The following ZNF705G variants were observed in gnomAD, a reference collection of about 807,000 sequenced individuals.
ZNF705G encodes putative zinc finger protein 705G.
In ZNF705G, 23 loss-of-function variants were observed where a neutral mutation model predicts 19.6. The ratio of observed to expected loss-of-function variants is 1.17; its 90% CI spans 0.84 to 1.66. The LOEUF is 1.66. Ranked by LOEUF, ZNF705G falls within the 40% of genes most tolerant of loss-of-function variation. The probability of loss-of-function intolerance (pLI) is 0.00; values close to 1 mark genes in which losing one functional copy is unlikely to be tolerated. For synonymous variants in ZNF705G, 146 were observed against 117.7 expected (o/e 1.24, Z -1.56); for missense variants, 457 against 354.4 (o/e 1.29, Z -2.32).
chr8:7,367,968 G>A (rs1308766572), intron 2 of ZNF705G, among the ~76,000 whole-genome samples: 3 of 149,696 alleles, frequency 2.0e-5, no homozygotes, highest in Non-Finnish European at 4.4e-5. Context: ...GGAGGATGCA[G>A]TGAACTTATC....
In ZNF705G at chr8:7,361,328, A is replaced by G; in HGVS notation, c.13-92T>C. ...GAGATGACATAGCTAGCAGCTGGGT[A>G]TGCAGAATACTCAGTGTTTTGGGTT... On this transcript the variant is annotated intron_variant, in intron 3 of 6. Coordinates refer to ENST00000400156, the MANE Select transcript of ZNF705G (RefSeq NM_001164457.3). 8 of 1,587,558 alleles carry G rather than the reference A, an allele frequency of 5.0e-6. No individual in the cohort carries two copies. The South Asian group carries it at 6.7e-5, about 13-fold the overall frequency.
At chr8:7,362,855 A>G (rs1381397603) in intron 3 of ZNF705G, 80 bp downstream of exon 3, 21 of 1,582,816 alleles carry the variant, frequency 1.3e-5, no homozygotes, top group Non-Finnish European at 1.7e-5. Flanking sequence ...AAAATGAAAC[A>G]CCCATGCAAA....
intron 3 of ZNF705G, among the ~76,000 whole-genome samples, chr8:7,362,143 C>T (rs542791412): frequency 6.7e-6 from 1 of 149,608 alleles, no homozygotes; most frequent in South Asian, 2.1e-4. Context: ...TTTTTTCTAA[C>T]CAGCCCTTAT....
At position 7,360,274 on chromosome 8, in the gene ZNF705G, C is replaced by A. The variant is rs1423595602; in HGVS notation, c.198G>T (p.Trp66Cys). ...ILQLEQGKEL[W>C]REGRVFLQDQ... ...CTTGAAGAAATACTCTTCCTTCCCT[C>A]CACAGCTCTTTTCCTTGCTCCAGCT... Residue 66 changes from tryptophan (W) to cysteine (C), a missense_variant, in exon 5 of 7, where the codon TGG becomes TGT. Coordinates refer to ENST00000400156, the MANE Select transcript of ZNF705G (RefSeq NM_001164457.3). The A allele has an allele frequency of 2.5e-6, 4 of 1,591,376 alleles. No homozygotes were observed. In the South Asian group the frequency reaches 3.3e-5, roughly 13 times the overall value.
intron 1 of ZNF705G, among the ~76,000 whole-genome samples, chr8:7,382,346 C>T (rs1233031192): frequency 6.8e-6 from 1 of 147,334 alleles, no homozygotes; most frequent in Non-Finnish European, 1.5e-5. Context: ...AGAAAGTCTT[C>T]ACAATAATTT....
At position 7,357,100 on chromosome 8, in the gene ZNF705G, T is replaced by A. The variant is rs574432784; in HGVS notation, c.*876A>T. 1 of 150,204 alleles carries A rather than the reference T, an allele frequency of 6.7e-6. No homozygotes were observed. The highest frequency in any genetic ancestry group is 1.5e-5 in the Non-Finnish European group (1 of 68,040). The allele number at this position is 150,204 out of a possible 1,614,324, so 9.3% of individuals were successfully genotyped here. On this transcript the variant is annotated 3_prime_UTR_variant, in exon 7 of 7. Transcript: ENST00000400156. ...TAGCTCCTCAATGTGAGAAACTCAA[T>A]GTCAACTAAGAAATGAATTACCACT...
At chr8:7,370,257 C>T (rs1277890108) in intron 2 of ZNF705G, among the ~76,000 whole-genome samples, 4 of 135,752 alleles carry the variant, frequency 2.9e-5, no homozygotes, top group Middle Eastern at 3.7e-3. Context: ...TGTGACACAC[C>T]GAGACTCCAT....
chr8:7,360,408 T>G, intron 4 of ZNF705G, 76 bp from the exon 5 acceptor site: 1 of 1,577,706 alleles, frequency 6.3e-7, no homozygotes, highest in African/African-American at 1.5e-5. Flanking sequence ...TAATGCAGGC[T>G]ATCAAGGAAG....
intron 2 of ZNF705G, among the ~76,000 whole-genome samples, chr8:7,365,809 G>A (rs186017963): frequency 6.7e-6 from 1 of 149,654 alleles, no homozygotes; most frequent in Non-Finnish European, 1.5e-5. Flanking sequence ...ACAACTTAGT[G>A]AAGTATTAGG....
chr8:7,365,004 G>C (rs1316562306), intron 2 of ZNF705G, among the ~76,000 whole-genome samples: 1 of 149,626 alleles, frequency 6.7e-6, no homozygotes, highest in Admixed American at 6.6e-5. Context: ...GAGAATATTT[G>C]TGTGTAATTA....
chr8:7,363,816 G>C (rs1806718309), intron 2 of ZNF705G, among the ~76,000 whole-genome samples: 1 of 148,736 alleles, frequency 6.7e-6, no homozygotes, highest in Non-Finnish European at 1.5e-5. Context: ...GCGAGACTCT[G>C]TCTCAAAAAA....
rs1412978351 is a variant in ZNF705G at position 7,356,586 on chromosome 8, G to T, written c.*1390C>A. The stretch of plus-strand genomic sequence containing the variant: ...TAGCAAGTGGGGCTGAAGATCCCTG[G>T]TGTGTCAACTCGAGGGTTGGATGGA... On this transcript the variant is annotated 3_prime_UTR_variant, in exon 7 of 7. Transcript: ENST00000400156. 1.3e-5 allele frequency: 2 copies of T among 149,562 alleles called. No individual in the cohort carries two copies. Among genetic ancestry groups the T allele is most frequent in the Admixed American group, 6.6e-5 (1 of 15,218 alleles). The allele number at this position is 149,562 out of a possible 1,614,324, so 9.3% of individuals were successfully genotyped here. A position where few individuals can be genotyped will look rare whatever the true frequency, so the allele number is the denominator to read the frequency against.
intron 2 of ZNF705G, among the ~76,000 whole-genome samples, chr8:7,364,655 C>G (rs1308232691): frequency 6.7e-6 from 1 of 149,668 alleles, no homozygotes; most frequent in Non-Finnish European, 1.5e-5. Flanking sequence ...ACCCCAGGTC[C>G]CAAACATCAT....
At position 7,371,397 on chromosome 8, in the gene ZNF705G, A is replaced by T. The variant is rs1428411761; in HGVS notation, c.-71-8380T>A. On this transcript the variant is annotated intron_variant, in intron 2 of 6. Transcript: ENST00000400156. ...GTTCTGGAGGTCTCGTTTACAGCAT[A>T]GTGCTTACAGCTAAGAATACTGTAT... Among the ~76,000 whole-genome samples the T allele has an allele frequency of 1.4e-5, 2 of 142,306 alleles. 1 individual carries two copies. Among genetic ancestry groups the T allele is most frequent in the African/African-American group, 5.5e-5 (2 of 36,348 alleles). 93.4% of individuals were successfully genotyped at this position (142,306 alleles called of 152,430 possible).
intron 2 of ZNF705G, among the ~76,000 whole-genome samples, chr8:7,369,389 A>G (rs1441508295): frequency 6.7e-6 from 1 of 149,320 alleles, no homozygotes; most frequent in Non-Finnish European, 1.5e-5. Flanking sequence ...TGGAACCCCC[A>G]CAGAGTCCAC....
chr8:7,363,937 G>A lies in ZNF705G; in HGVS notation c.-71-920C>T, dbSNP rs903797939. On this transcript the variant is annotated intron_variant, in intron 2 of 6. Transcript: ENST00000400156. ...TTAAAATCTCCTGCATCAGAAATTAGCAGGAGTACCCCGAGTCATGGTGTT... is the reference window on the plus strand; with the variant it reads ...TTAAAATCTCCTGCATCAGAAATTAACAGGAGTACCCCGAGTCATGGTGTT... Among the ~76,000 whole-genome samples the A allele has an allele frequency of 6.0e-5, 9 of 149,490 alleles. 2 individuals carry two copies. The highest frequency in any genetic ancestry group is 2.1e-4 in the African/African-American group (8 of 38,940).
In ZNF705G at chr8:7,369,952, G is replaced by A. The variant is rs1488181337; in HGVS notation, c.-71-6935C>T. 4.7e-5 allele frequency among the ~76,000 whole-genome samples: 7 copies of A among 149,132 alleles called. 1 individual carries two copies. The highest frequency in any genetic ancestry group is 1.6e-4 in the African/African-American group (6 of 38,604). On this transcript the variant is annotated intron_variant, in intron 2 of 6. Coordinates refer to ENST00000400156, the MANE Select transcript of ZNF705G (RefSeq NM_001164457.3). ...CTATTGGGTATTATGTTTTCTATCTGGGTTACAAGATCATTCATACTCCTC... is the reference window on the plus strand; with the variant it reads ...CTATTGGGTATTATGTTTTCTATCTAGGTTACAAGATCATTCATACTCCTC...
chr8:7,384,903 T>C lies in ZNF705G; in HGVS notation c.-222+595A>G, dbSNP rs533420536. Among the ~76,000 whole-genome samples the C allele has an allele frequency of 2.8e-3, 414 of 146,404 alleles. 9 individuals carry two copies. The highest frequency in any genetic ancestry group is 4.8e-3 in the Non-Finnish European group (329 of 67,914). ...TAGTTGACATAACTTTTATATGAGA[T>C]AGATATTTTCTCTGAGCAAGTCAAT... On this transcript the variant is annotated intron_variant, in intron 1 of 6. Coordinates refer to ENST00000400156, the MANE Select transcript of ZNF705G (RefSeq NM_001164457.3).
At chr8:7,361,358 C>A (rs1370793944) in intron 3 of ZNF705G, 122 bp from the exon 4 acceptor site, 18 of 1,540,360 alleles carry the variant, frequency 1.2e-5, no homozygotes, top group Non-Finnish European at 1.6e-5. Flanking sequence ...TGGGTTCCAG[C>A]CAGTTCATTC....
Sources: allele counts gnomAD v4.1 joint callset (sites outside exome capture counted in the v4.1 genomes callset), GRCh38; gene constraint gnomAD v4.1.1; transcripts MANE v1.5; gene names NCBI Gene and HGNC (gene_info 2026-07-23, HGNC 2026-07-21).